The following RARB variants were observed in gnomAD, a reference collection of about 807,000 sequenced individuals.
RARB encodes retinoic acid receptor beta.
A neutral mutation model predicts 51.9 loss-of-function variants in RARB; 17 were observed. The ratio of observed to expected loss-of-function variants is 0.33; its 90% CI spans 0.22 to 0.49. The LOEUF (loss-of-function observed/expected upper bound fraction) is 0.49. RARB is among the 20% of genes least tolerant of loss of function. RARB has a pLI of 0.99. For missense variants in RARB, 369 were observed against 550.8 expected (o/e 0.67, Z 3.30); for synonymous variants, 215 against 195.4 (o/e 1.10, Z -0.84).
intron 5 of RARB, among the ~76,000 whole-genome samples, chr3:25,253,811 C>A (rs1168285068): frequency 6.6e-6 from 1 of 152,090 alleles, no homozygotes; most frequent in African/African-American, 2.4e-5. Context: ...CCTTTCTTTT[C>A]CATCGAGCCC....
chr3:25,187,324 A>G (rs906259656), intron 5 of RARB, among the ~76,000 whole-genome samples: 8 of 152,064 alleles, frequency 5.3e-5, no homozygotes, highest in African/African-American at 1.9e-4. Context: ...TATTTGTTAC[A>G]CTAACCTCAA....
intron 5 of RARB, among the ~76,000 whole-genome samples, chr3:25,407,911 G>A (rs1001742100): frequency 6.6e-6 from 1 of 152,162 alleles, no homozygotes; most frequent in African/African-American, 2.4e-5. Context: ...TAAGTTCCAA[G>A]TGTACACTTC....
At chr3:25,361,308 T>G (rs1705925671) in intron 5 of RARB, among the ~76,000 whole-genome samples, 1 of 152,198 alleles carries the variant, frequency 6.6e-6, no homozygotes, top group African/African-American at 2.4e-5. Context: ...AAAGTTCTTG[T>G]GCTATGTTTT....
intron 2 of RARB, among the ~76,000 whole-genome samples, chr3:24,975,640 C>T (rs910454228): frequency 3.9e-5 from 6 of 152,112 alleles, no homozygotes; most frequent in African/African-American, 1.4e-4. Context: ...TATCTGACTC[C>T]AATGCAATAA....
At chr3:25,148,163 C>T (rs997635939) in intron 4 of RARB, among the ~76,000 whole-genome samples, 5 of 152,120 alleles carry the variant, frequency 3.3e-5, no homozygotes, top group African/African-American at 4.8e-5. Context: ...ACAGAAGTTG[C>T]AATGGTTAAG....
chr3:25,565,398 G>A (rs1282618479), intron 3 of RARB, among the ~76,000 whole-genome samples: 4 of 152,068 alleles, frequency 2.6e-5, no homozygotes, highest in African/African-American at 4.8e-5. Flanking sequence ...TAATACTCTC[G>A]TATATTAATT....
chr3:25,405,542 A>G (rs1165975557), intron 5 of RARB, among the ~76,000 whole-genome samples: 1 of 152,210 alleles, frequency 6.6e-6, no homozygotes, highest in African/African-American at 2.4e-5. Flanking sequence ...ATGTACAGAG[A>G]TAAAACCATT....
rs544523611 is a variant in RARB, at chr3:25,356,579, T to C, written c.179-104614T>C. Among the ~76,000 whole-genome samples the C allele has an allele frequency of 1.1e-4, 16 of 152,218 alleles. No individual in the cohort carries two copies. In the South Asian group the frequency reaches 3.1e-3, roughly 30 times the overall value. On this transcript the variant is annotated intron_variant, in intron 5 of 11. Coordinates refer to the RARB transcript ENST00000383772. ...GTGCAGAATGCGCAGGTTTGTTACA[T>C]AGGTATACATGTGCCATGGTGGTTT... is the stretch of plus-strand genomic sequence containing the variant.
intron 2 of RARB, among the ~76,000 whole-genome samples, chr3:24,887,718 T>C (rs1703291057): frequency 6.6e-6 from 1 of 152,200 alleles, no homozygotes; most frequent in Admixed American, 6.5e-5. Flanking sequence ...AAGTCTTAAA[T>C]TATCTTTTTC....
At chr3:25,469,778 A>G (rs376012693) in intron 2 of RARB, among the ~76,000 whole-genome samples, 197 of 152,322 alleles carry the variant, frequency 1.3e-3, no homozygotes, top group African/African-American at 4.4e-3. Context: ...AGGCCTGTCC[A>G]ATAATAGGGA....
chr3:25,077,274 T>G (rs1698889939), intron 3 of RARB, among the ~76,000 whole-genome samples: 2 of 152,182 alleles, frequency 1.3e-5, no homozygotes, highest in African/African-American at 2.4e-5. Flanking sequence ...TTTAAGAAAT[T>G]TTGACATATG....
chr3:25,358,236 G>T (rs777901634), intron 5 of RARB, among the ~76,000 whole-genome samples: 5 of 152,054 alleles, frequency 3.3e-5, no homozygotes, highest in Non-Finnish European at 5.9e-5. Flanking sequence ...TATTCTCTTT[G>T]TAGCAATTAT....
chr3:24,873,860 T>C (rs1440195794), intron 2 of RARB, among the ~76,000 whole-genome samples: 1 of 152,048 alleles, frequency 6.6e-6, no homozygotes. Context: ...TTAAAGAATT[T>C]TATTGATGTT....
rs575976356 is a variant in RARB, at chr3:25,088,326, A to G, written c.-328+28150A>G. On this transcript the variant is annotated intron_variant, in intron 3 of 11. Coordinates refer to the RARB transcript ENST00000383772. ...AGTGATATTGACAGTGGCTTTCCCA[A>G]CTCCATTGTTGTCTGTCAAGAGTTT... Among the ~76,000 whole-genome samples, 11 of 152,088 alleles carry G rather than the reference A, an allele frequency of 7.2e-5. No individual in the cohort carries two copies. The South Asian group carries it at 2.3e-3, about 32-fold the overall frequency.
chr3:25,006,025 G>A (rs1210168468), intron 2 of RARB, among the ~76,000 whole-genome samples: 2 of 152,042 alleles, frequency 1.3e-5, no homozygotes, highest in African/African-American at 4.8e-5. Context: ...CAGGGCTTTT[G>A]CACTCACTGT....
Position 25,125,642 on chromosome 3 carries a change from T to C in RARB, c.-327-6519T>C, listed in dbSNP as rs1699849066. On this transcript the variant is annotated intron_variant, in intron 3 of 11. Coordinates refer to the RARB transcript ENST00000383772. ...TGAATACTCTGACAGTGGGATTAAA[T>C]CTCCATAATCAGAAGCATTTTAAGG... Among the ~76,000 whole-genome samples the C allele has an allele frequency of 8.5e-5, 13 of 152,250 alleles. No homozygotes were observed. The South Asian group carries it at 2.7e-3, about 32-fold the overall frequency.
intron 3 of RARB, among the ~76,000 whole-genome samples, chr3:25,082,280 T>C (rs1404523257): frequency 6.6e-6 from 1 of 152,172 alleles, no homozygotes; most frequent in Non-Finnish European, 1.5e-5. Flanking sequence ...GTTGGGTTTA[T>C]GTATACTATT....
intron 5 of RARB, among the ~76,000 whole-genome samples, chr3:25,260,564 T>A (rs1702973016): frequency 6.6e-6 from 1 of 151,946 alleles, no homozygotes; most frequent in South Asian, 2.1e-4. Context: ...TAGAAACAAA[T>A]CAGAATTGAG....
intron 2 of RARB, among the ~76,000 whole-genome samples, chr3:25,021,380 CT>C (rs34936837): frequency 3.3e-5 from 5 of 151,578 alleles, no homozygotes; most frequent in Admixed American, 6.6e-5. Context: ...AGTTTATTGC[CT>C]TTTTTTTAGT....
Sources: gnomAD v4.1 joint callset for allele counts (sites outside exome capture counted in the v4.1 genomes callset) on GRCh38, gnomAD v4.1.1 for gene constraint, MANE v1.5 for transcripts, NCBI Gene and HGNC (gene_info 2026-07-23, HGNC 2026-07-21) for gene names.